Variants in STX18 observed in about 807,000 individuals in gnomAD.
The protein encoded by STX18 is syntaxin 18, also known as syntaxin-18.
STX18 carries 40 observed loss-of-function variants against 50.1 expected under a neutral mutation model. The ratio of observed to expected loss-of-function variants is 0.80; its 90% CI spans 0.62 to 1.04. The LOEUF (loss-of-function observed/expected upper bound fraction) is 1.04. STX18 is among the 50% of genes least tolerant of loss of function. The probability of loss-of-function intolerance (pLI) is 0.00; values close to 1 mark genes in which losing one functional copy is unlikely to be tolerated. For missense variants in STX18, 410 were observed against 415.8 expected (o/e 0.99, Z 0.12); for synonymous variants, 158 against 151.8 (o/e 1.04, Z -0.30).
intron 1 of STX18, chr4:4,476,048 A>G (rs545335567): frequency 1.3e-5 from 2 of 152,360 alleles, no homozygotes; most frequent in East Asian, 3.9e-4. Context: ...CAGAAGGTGC[A>G]GCATCACCAT....
chr4:4,430,120 G>C (rs1489521459), intron 7 of STX18, among the ~76,000 whole-genome samples: 1 of 152,162 alleles, frequency 6.6e-6, no homozygotes, highest in Non-Finnish European at 1.5e-5. Context: ...GAGTTATATA[G>C]GGAAATTTAT....
At chr4:4,523,103 C>A (rs1267972512) in intron 1 of STX18, among the ~76,000 whole-genome samples, 2 of 152,206 alleles carry the variant, frequency 1.3e-5, no homozygotes, top group Non-Finnish European at 2.9e-5. Flanking sequence ...ATTTTATCCA[C>A]AGATCAGTTG....
At chr4:4,529,506 A>G (rs1008197355) in intron 1 of STX18, among the ~76,000 whole-genome samples, 4 of 144,180 alleles carry the variant, frequency 2.8e-5, no homozygotes, top group Non-Finnish European at 4.4e-5. Flanking sequence ...AAGACAGCAG[A>G]TGATGTGATA....
At chr4:4,436,970 T>A (rs1725819991) in intron 6 of STX18, among the ~76,000 whole-genome samples, 1 of 105,270 alleles carries the variant, frequency 9.5e-6, no homozygotes, top group Admixed American at 8.8e-5. Flanking sequence ...TTTTTTTTTT[T>A]TTTTTTGAGA....
chr4:4,459,345 T>C (rs770257376), intron 3 of STX18, 27 bp downstream of exon 3: 1 of 1,551,060 alleles, frequency 6.4e-7, no homozygotes, highest in East Asian at 2.2e-5. Context: ...TCATGGTTGC[T>C]TGTTTGCATC....
In STX18 at chr4:4,536,290, T is replaced by C. The variant is rs16835848; in HGVS notation, c.168+5507A>G. Among the ~76,000 whole-genome samples the C allele has an allele frequency of 7.3e-3, 1,112 of 152,300 alleles. 10 individuals carry two copies. The highest frequency in any genetic ancestry group is 0.026 in the African/African-American group (1,065 of 41,550). On this transcript the variant is annotated intron_variant, in intron 1 of 10. Coordinates refer to ENST00000306200, the MANE Select transcript of STX18 (RefSeq NM_016930.4). ...AACAGTTATTCATTAATTCAAGAAG[T>C]ATTTATTAAGCACCTGCATCCCCAC...
Position 4,471,725 on chromosome 4 carries a change from G to A in STX18, c.169-19C>T, listed in dbSNP as rs1232655677. On this transcript the variant is annotated intron_variant, in intron 1 of 10. Transcript: ENST00000306200. ...GAGAAATCTAAAATTAAAAAAGAAA[G>A]CCAACAGTTTATATAGATATGTTAC... 1 of 1,546,940 alleles carries A rather than the reference G, an allele frequency of 6.5e-7. No homozygotes were observed. The highest frequency in any genetic ancestry group is 2.1e-5 in the Admixed American group (1 of 46,862).
At chr4:4,498,148 C>T (rs1341135601) in intron 1 of STX18, among the ~76,000 whole-genome samples, 1 of 152,192 alleles carries the variant, frequency 6.6e-6, no homozygotes, top group Non-Finnish European at 1.5e-5. Flanking sequence ...CACAGACACT[C>T]AGTGCATACT....
intron 7 of STX18, among the ~76,000 whole-genome samples, chr4:4,427,259 G>A (rs1235820465): frequency 6.6e-6 from 1 of 152,236 alleles, no homozygotes; most frequent in Non-Finnish European, 1.5e-5. Flanking sequence ...GCTCTGGGAA[G>A]GGCGGAAGTG....
intron 1 of STX18, among the ~76,000 whole-genome samples, chr4:4,531,162 C>T (rs1731077952): frequency 1.3e-5 from 2 of 152,052 alleles, no homozygotes; most frequent in South Asian, 4.1e-4. Flanking sequence ...TACACACACA[C>T]ACACACACAC....
At chr4:4,485,569 G>A (rs774876328) in intron 1 of STX18, among the ~76,000 whole-genome samples, 1 of 152,072 alleles carries the variant, frequency 6.6e-6, no homozygotes, top group Non-Finnish European at 1.5e-5. Context: ...TGCTAGACTC[G>A]CAGGCAGTAA....
At chr4:4,460,901 G>T (rs1727343284) in intron 2 of STX18, among the ~76,000 whole-genome samples, 1 of 152,086 alleles carries the variant, frequency 6.6e-6, no homozygotes, top group African/African-American at 2.4e-5. Context: ...TCCCCTCTGG[G>T]GAGGAGCCAG....
chr4:4,477,671 A>C (rs538442363), intron 1 of STX18, among the ~76,000 whole-genome samples: 38 of 152,344 alleles, frequency 2.5e-4, no homozygotes, highest in African/African-American at 8.7e-4. Context: ...TCTAAGTACC[A>C]GTCTTGAGTT....
intron 1 of STX18, among the ~76,000 whole-genome samples, chr4:4,537,499 TAA>T (rs1374215281): frequency 6.6e-6 from 1 of 152,096 alleles, no homozygotes; most frequent in Non-Finnish European, 1.5e-5. Flanking sequence ...ATGACTACTG[TAA>T]GAGAGAGCAG....
At chr4:4,512,612 G>C (rs192004816) in intron 1 of STX18, among the ~76,000 whole-genome samples, 323 of 152,304 alleles carry the variant, frequency 2.1e-3, no homozygotes, top group Admixed American at 6.7e-3. Context: ...GACATTACCA[G>C]TCCTGTATAA....
chr4:4,513,217 T>TG (rs1730086597), intron 1 of STX18, among the ~76,000 whole-genome samples: 1 of 152,148 alleles, frequency 6.6e-6, no homozygotes, highest in Non-Finnish European at 1.5e-5. Flanking sequence ...ACCTGTACTT[T>TG]GAGAGTGGAG....
intron 1 of STX18, among the ~76,000 whole-genome samples, chr4:4,487,873 T>C (rs1459710553): frequency 1.3e-5 from 2 of 152,216 alleles, no homozygotes; most frequent in Non-Finnish European, 1.5e-5. Flanking sequence ...TCACTTTGGA[T>C]TCCCAAAGCC....
intron 1 of STX18, among the ~76,000 whole-genome samples, chr4:4,510,842 C>A (rs538215667): frequency 2.2e-4 from 34 of 152,274 alleles, no homozygotes; most frequent in African/African-American, 7.7e-4. Flanking sequence ...AATGAGATCA[C>A]GTCCTTTGCA....
At chr4:4,454,980 T>C (rs1939083061) in intron 5 of STX18, among the ~76,000 whole-genome samples, 1 of 152,226 alleles carries the variant, frequency 6.6e-6, no homozygotes, top group African/African-American at 2.4e-5. Flanking sequence ...CATTTTGTTC[T>C]CACAACAGCA....
Sources: allele counts gnomAD v4.1 joint callset (sites outside exome capture counted in the v4.1 genomes callset), GRCh38; gene constraint gnomAD v4.1.1; transcripts MANE v1.5; gene names NCBI Gene and HGNC (gene_info 2026-07-23, HGNC 2026-07-21).